CNBD1: variants seen among roughly 807,000 people sequenced by gnomAD.
CNBD1 encodes cyclic nucleotide binding domain containing 1.
CNBD1 carries 71 observed loss-of-function variants against 54.4 expected under a neutral mutation model. The ratio of observed to expected loss-of-function variants is 1.30; its 90% CI spans 1.08 to 1.59. The LOEUF (loss-of-function observed/expected upper bound fraction) is 1.59, where lower values mean the gene tolerates loss of function less well. Ranked by LOEUF, CNBD1 falls within the 40% of genes most tolerant of loss-of-function variation. CNBD1 has a pLI of 0.00. For missense variants in CNBD1, 659 were observed against 518.0 expected (o/e 1.27, Z -2.64); for synonymous variants, 182 against 170.7 (o/e 1.07, Z -0.51).
intron 1 of CNBD1, 93 bp downstream of exon 1, chr8:86,866,676 G>A: frequency 3.4e-6 from 3 of 872,442 alleles, no homozygotes; most frequent in Non-Finnish European, 5.6e-6. Flanking sequence ...TTTCAGGGTT[G>A]ATAGGGACAT....
At chr8:87,082,126 C>A (rs184767370) in intron 4 of CNBD1, among the ~76,000 whole-genome samples, 2 of 152,150 alleles carry the variant, frequency 1.3e-5, no homozygotes, top group Admixed American at 6.5e-5. Context: ...ACTGAAGAAC[C>A]ACAAAGATGA....
At chr8:87,236,395 A>G (rs1480098789) in intron 5 of CNBD1, among the ~76,000 whole-genome samples, 1 of 151,760 alleles carries the variant, frequency 6.6e-6, no homozygotes, top group Admixed American at 6.6e-5. Flanking sequence ...TATGGGAAAA[A>G]CTCTTCTTTC....
intron 4 of CNBD1, among the ~76,000 whole-genome samples, chr8:87,008,993 T>G (rs28536161): frequency 0.03 from 4,527 of 152,150 alleles, 228 homozygotes; most frequent in African/African-American, 0.1. Context: ...GGTTGAAATT[T>G]TTCATATAAC....
chr8:87,109,520 G>A (rs1025345023), intron 4 of CNBD1, among the ~76,000 whole-genome samples: 1 of 140,790 alleles, frequency 7.1e-6, no homozygotes, highest in Non-Finnish European at 1.5e-5. Context: ...GTCAGGGTTT[G>A]TTTCTTTCTT....
intron 4 of CNBD1, among the ~76,000 whole-genome samples, chr8:87,102,530 T>C (rs1811449202): frequency 6.6e-6 from 1 of 152,214 alleles, no homozygotes; most frequent in Non-Finnish European, 1.5e-5. Flanking sequence ...TAAGACATGA[T>C]GATGGCAAGA....
At chr8:87,239,836 AGAT>A (rs1446646767) in intron 6 of CNBD1, among the ~76,000 whole-genome samples, 2 of 152,080 alleles carry the variant, frequency 1.3e-5, no homozygotes, top group Non-Finnish European at 1.5e-5. Context: ...TTCTCAACAT[AGAT>A]TTACACATTG....
intron 10 of CNBD1, among the ~76,000 whole-genome samples, chr8:87,358,508 A>T (rs1810464265): frequency 6.6e-6 from 1 of 152,072 alleles, no homozygotes; most frequent in African/African-American, 2.4e-5. Context: ...AGGCAAATAC[A>T]CTGTGGACTC....
chr8:87,078,540 G>A (rs1216659739), intron 4 of CNBD1, among the ~76,000 whole-genome samples: 1 of 152,120 alleles, frequency 6.6e-6, no homozygotes, highest in East Asian at 1.9e-4. Context: ...TTTGTTTGAG[G>A]GGAATCATTG....
intron 2 of CNBD1, among the ~76,000 whole-genome samples, chr8:87,396,410 T>A (rs1811409191): frequency 6.6e-6 from 1 of 151,928 alleles, no homozygotes; most frequent in Non-Finnish European, 1.5e-5. Flanking sequence ...CATGCCTAAC[T>A]TATAATCAGC....
At position 87,026,709 on chromosome 8, in the gene CNBD1, C is replaced by T. The variant is rs1324931508; in HGVS notation, c.431+86955C>T. ...TTTGTTTTCATAACTTCCTTCAAAT[C>T]TCTTTCCCGTACTTACTAGTTCCTT... On this transcript the variant is annotated intron_variant, in intron 4 of 10. Transcript: ENST00000518476. 3.9e-5 allele frequency among the ~76,000 whole-genome samples: 6 copies of T among 152,266 alleles called. No homozygotes were observed. The East Asian group carries it at 7.7e-4, about 20-fold the overall frequency.
At chr8:87,267,546 C>T (rs1173618465) in intron 6 of CNBD1, among the ~76,000 whole-genome samples, 1 of 152,080 alleles carries the variant, frequency 6.6e-6, no homozygotes, top group Non-Finnish European at 1.5e-5. Flanking sequence ...TTTAGAGATA[C>T]TATTATATAT....
chr8:87,358,791 G>A (rs185530966), intron 10 of CNBD1, among the ~76,000 whole-genome samples: 2 of 152,266 alleles, frequency 1.3e-5, no homozygotes, highest in East Asian at 3.9e-4. Flanking sequence ...GGAGAGGGCA[G>A]ACAGGAGGCA....
chr8:87,414,498 T>G (rs1807805075), intron 2 of CNBD1, among the ~76,000 whole-genome samples: 1 of 152,096 alleles, frequency 6.6e-6, no homozygotes, highest in Non-Finnish European at 1.5e-5. Flanking sequence ...ATTGTGCACA[T>G]GTACCCTAAA....
chr8:87,054,762 T>C (rs192974990), intron 4 of CNBD1, among the ~76,000 whole-genome samples: 1 of 152,310 alleles, frequency 6.6e-6, no homozygotes, highest in Admixed American at 6.5e-5. Context: ...TTTGGTTGCC[T>C]GAGGACCTCC....
intron 6 of CNBD1, among the ~76,000 whole-genome samples, chr8:87,237,956 T>C (rs909816782): frequency 6.7e-6 from 1 of 149,362 alleles, no homozygotes; most frequent in African/African-American, 2.6e-5. Flanking sequence ...TGGAAAACAA[T>C]GCATTTGCCA....
chr8:87,399,906 A>AT (rs752165815), intron 2 of CNBD1, among the ~76,000 whole-genome samples: 40 of 151,326 alleles, frequency 2.6e-4, no homozygotes, highest in East Asian at 1.7e-3. Context: ...TCCCAGGCAC[A>AT]TTTTTTTTTC....
At chr8:87,088,354 T>A (rs1341686639) in intron 4 of CNBD1, among the ~76,000 whole-genome samples, 1 of 152,206 alleles carries the variant, frequency 6.6e-6, no homozygotes, top group Non-Finnish European at 1.5e-5. Flanking sequence ...CCTGGTTATA[T>A]CCTGTGTGAT....
intron 8 of CNBD1, among the ~76,000 whole-genome samples, chr8:87,334,389 C>T (rs1809899652): frequency 6.6e-6 from 1 of 152,060 alleles, no homozygotes; most frequent in African/African-American, 2.4e-5. Context: ...CAGTTCCACT[C>T]TGATCTCAGT....
intron 4 of CNBD1, among the ~76,000 whole-genome samples, chr8:86,996,292 T>C (rs1486780951): frequency 1.3e-5 from 2 of 152,206 alleles, no homozygotes; most frequent in Admixed American, 6.5e-5. Flanking sequence ...CTCACCAGGA[T>C]TGTAAACTTC....
Sources: allele counts gnomAD v4.1 joint callset (sites outside exome capture counted in the v4.1 genomes callset), GRCh38; gene constraint gnomAD v4.1.1; transcripts MANE v1.5; gene names NCBI Gene and HGNC (gene_info 2026-07-23, HGNC 2026-07-21).